C7: variants seen among roughly 807,000 people sequenced by gnomAD.
The protein encoded by C7 is complement C7.
In C7, 83 loss-of-function variants were observed where a neutral mutation model predicts 104.8. That is an observed-to-expected ratio of 0.79 (90% CI 0.66 to 0.95). The LOEUF is 0.95. Among genes scored for constraint, C7 ranks in the 40% least tolerant of loss-of-function variants. The pLI is 0.00. For missense variants in C7, 1,070 were observed against 1,011.2 expected, an observed-to-expected ratio of 1.06 and a Z score of -0.79; for synonymous variants, 415 against 360.6, an observed-to-expected ratio of 1.15 and a Z score of -1.71.
chr5:40,931,962 C>T (rs1487115376), intron 3 of C7, among the ~76,000 whole-genome samples: 1 of 152,116 alleles, frequency 6.6e-6, no homozygotes, highest in Non-Finnish European at 1.5e-5. Context: ...GTTTAACCAT[C>T]TTGGCCAGGA....
chr5:40,925,613 C>G (rs1739535153), intron 1 of C7, among the ~76,000 whole-genome samples: 1 of 152,106 alleles, frequency 6.6e-6, no homozygotes. Context: ...CTGTGTTAGC[C>G]TGTTCTTTGT....
In C7 at chr5:40,984,611, G is replaced by T. The variant is rs192686720; in HGVS notation, c.*3038G>T. On this transcript the variant is annotated 3_prime_UTR_variant, in exon 18 of 18. Coordinates refer to ENST00000313164, the MANE Select transcript of C7 (RefSeq NM_000587.4). ...GTAATCACTTTTTCTTTCGGTCAAGGTATGTGTATTAATCAATATTTTTTG... is the reference window on the plus strand; with the variant it reads ...GTAATCACTTTTTCTTTCGGTCAAGTTATGTGTATTAATCAATATTTTTTG... Among the ~76,000 whole-genome samples the T allele has an allele frequency of 1.3e-5, 2 of 152,174 alleles. No homozygotes were observed. The highest frequency in any genetic ancestry group is 2.9e-5 in the Non-Finnish European group (2 of 68,034).
chr5:40,964,501 T>G, intron 13 of C7: 1 of 350,354 alleles, frequency 2.9e-6, no homozygotes, highest in East Asian at 5.4e-5. Flanking sequence ...GTATAGTCCT[T>G]GGTATTTTGG....
At position 40,961,283 on chromosome 5, in the gene C7, T is replaced by G. The variant is rs1010995421; in HGVS notation, c.1662-802T>G. ...TGTATGAATTGAGATAATGCATATATGCAGAGCAACTGCCATGGTGCCTGA... is the reference window on the plus strand; with the variant it reads ...TGTATGAATTGAGATAATGCATATAGGCAGAGCAACTGCCATGGTGCCTGA... On this transcript the variant is annotated intron_variant, in intron 12 of 17. Transcript: ENST00000313164. 3.3e-5 allele frequency among the ~76,000 whole-genome samples: 5 copies of G among 152,356 alleles called. No individual in the cohort carries two copies. In the East Asian group the frequency reaches 7.7e-4, roughly 24 times the overall value.
chr5:40,953,638 T>C (rs1239606749), intron 9 of C7, among the ~76,000 whole-genome samples: 2 of 9,254 alleles, frequency 2.2e-4, no homozygotes, highest in African/African-American at 7.5e-4. Context: ...AGACTCTGTC[T>C]CAAAAAAAAA....
At position 40,972,465 on chromosome 5, in the gene C7, T is replaced by A; in HGVS notation, c.1945T>A (p.Tyr649Asn). 2 of 1,613,926 alleles carry A rather than the reference T, an allele frequency of 1.2e-6. No homozygotes were observed. The highest frequency in any genetic ancestry group is 1.3e-5 in the African/African-American group (1 of 75,046). Residue 649 changes from tyrosine (Y) to asparagine (N), a missense_variant, in exon 15 of 18, where the codon TAC (tyrosine) becomes AAC (asparagine). Transcript: ENST00000313164. ...GIQSHPQKPFYTVGEKVTVSC... is the reference protein window; with the variant it reads ...GIQSHPQKPFNTVGEKVTVSC... ...ACAGAGTCACCCCCAAAAACCTTTC[T>A]ACACAGTTGGTGAGAAGGTGACTGT...
chr5:40,957,694 AT>A (rs1740320426), intron 10 of C7, among the ~76,000 whole-genome samples: 1 of 151,492 alleles, frequency 6.6e-6, no homozygotes, highest in Non-Finnish European at 1.5e-5. Context: ...ACCTCAGGTG[AT>A]CCCCCCTGCC....
chr5:40,962,157 A>G lies in C7; in HGVS notation c.1734A>G (p.Lys578=), dbSNP rs2111675794. The part of the protein sequence containing the change: ...TEFCPSPPAL[K]DGFVQDEGTM... ...TCTGTCCATCACCTCCTGCCTTGAA[A>G]GATGGATTTGTTCAAGTTGGTTATG... Residue 578 remains lysine (K), a synonymous_variant, in exon 13 of 18, where the codon AAA becomes AAG. Transcript: ENST00000313164. The G allele has an allele frequency of 6.4e-7, 1 of 1,561,196 alleles. No homozygotes were observed.
In C7 at chr5:40,981,394, G is replaced by T; in HGVS notation, c.2353G>T (p.Glu785Ter). ...ACPLWGKCDA[E>*]SSKCVCREAS... The stretch of plus-strand genomic sequence containing the variant: ...GCCTCTTTCACTTACTTTTCCAGCT[G>T]AGAGCAGCAAATGTGTCTGCCGAGA... Residue 785 changes from glutamate to a stop codon, truncating the protein, a stop_gained and splice_region_variant, in exon 18 of 18, where the codon GAG becomes TAG. Transcript: ENST00000313164. LOFTEE classifies it low-confidence loss of function (END_TRUNC). The T allele has an allele frequency of 6.2e-7, 1 of 1,610,376 alleles. No individual in the cohort carries two copies. The highest frequency in any genetic ancestry group is 1.3e-5 in the African/African-American group (1 of 75,010).
At position 40,981,444 on chromosome 5, in the gene C7, G is replaced by A. The variant is rs1005254189; in HGVS notation, c.2403G>A (p.Gly801=). The change falls in exon 18 of 18, where the codon GGG becomes GGA. Residue 801 remains glycine, a synonymous_variant. Coordinates refer to ENST00000313164, the MANE Select transcript of C7 (RefSeq NM_000587.4). ...AAGCATCGGAGTGCGAGGAAGAAGG[G>A]TTTAGCATTTGTGTGGAAGTGAACG... The part of the protein sequence containing the change: ...CREASECEEE[G]FSICVEVNGK... The A allele has an allele frequency of 6.2e-7, 1 of 1,613,698 alleles. No individual in the cohort carries two copies. Among genetic ancestry groups the A allele is most frequent in the Non-Finnish European group, 8.5e-7 (1 of 1,179,756 alleles).
At chr5:40,964,523 AC>A (rs1272000233) in intron 13 of C7, 1 of 415,022 alleles carries the variant, frequency 2.4e-6, no homozygotes, top group African/African-American at 2.1e-5. Flanking sequence ...AGCAATCAAT[AC>A]ATTATAGACA....
At chr5:40,925,522 CT>C in intron 1 of C7, among the ~76,000 whole-genome samples, 1 of 152,304 alleles carries the variant, frequency 6.6e-6, no homozygotes, top group South Asian at 2.1e-4. Context: ...TTTCAAACCT[CT>C]GCTCATTACC....
intron 1 of C7, among the ~76,000 whole-genome samples, chr5:40,914,257 T>C (rs534169562): frequency 1.3e-5 from 2 of 152,302 alleles, no homozygotes; most frequent in African/African-American, 4.8e-5. Flanking sequence ...CATTTGTATG[T>C]CTTTGAAAAA....
At chr5:40,971,742 C>T (rs1428919481) in intron 14 of C7, among the ~76,000 whole-genome samples, 2 of 152,074 alleles carry the variant, frequency 1.3e-5, no homozygotes, top group Non-Finnish European at 2.9e-5. Flanking sequence ...AGTCTTTAAT[C>T]CATCTTGAGT....
chr5:40,945,466 T>A, intron 7 of C7, 98 bp downstream of exon 7: 1 of 760,164 alleles, frequency 1.3e-6, no homozygotes, highest in Non-Finnish European at 2.1e-6. Context: ...AGCTTTCATA[T>A]TAAAATTAGT....
At chr5:40,950,793 G>A (rs896357194) in intron 9 of C7, among the ~76,000 whole-genome samples, 2 of 152,126 alleles carry the variant, frequency 1.3e-5, no homozygotes, top group African/African-American at 2.4e-5. Flanking sequence ...TTCACTTGCT[G>A]ACATGGCTAC....
chr5:40,980,137 C>T, intron 17 of C7: 1 of 377,142 alleles, frequency 2.7e-6, no homozygotes, highest in Non-Finnish European at 4.7e-6. Context: ...TGGAAATGTT[C>T]TCCCAAACAG....
At chr5:40,940,935 G>A (rs1693869420) in intron 6 of C7, among the ~76,000 whole-genome samples, 3 of 151,800 alleles carry the variant, frequency 2.0e-5, no homozygotes, top group Admixed American at 2.0e-4. Flanking sequence ...ATTTTATATA[G>A]TATATATATG....
chr5:40,941,503 T>A (rs1739936242), intron 6 of C7, among the ~76,000 whole-genome samples: 1 of 152,026 alleles, frequency 6.6e-6, no homozygotes, highest in Non-Finnish European at 1.5e-5. Context: ...TTAAGGAGAT[T>A]GGATTAAAAA....
Sources: allele counts gnomAD v4.1 joint callset (sites outside exome capture counted in the v4.1 genomes callset), GRCh38; gene constraint gnomAD v4.1.1; transcripts MANE v1.5; gene names NCBI Gene and HGNC (gene_info 2026-07-23, HGNC 2026-07-21).